LRMDA: variants seen among roughly 807,000 people sequenced by gnomAD.
LRMDA encodes the protein leucine rich melanocyte differentiation associated.
A neutral mutation model predicts 29.8 loss-of-function variants in LRMDA; 18 were observed. The ratio of observed to expected loss-of-function variants is 0.60; its 90% CI spans 0.42 to 0.90. The LOEUF (loss-of-function observed/expected upper bound fraction) is 0.90. Among genes scored for constraint, LRMDA ranks in the 40% least tolerant of loss-of-function variants. LRMDA has a pLI of 0.00. For synonymous variants in LRMDA, 125 were observed against 109.4 expected, an observed-to-expected ratio of 1.14 and a Z score of -0.89; for missense variants, 273 against 273.9, an observed-to-expected ratio of 1.00 and a Z score of 0.02.
At position 75,510,166 on chromosome 10, in the gene LRMDA, C is replaced by T. The variant is rs528977565; in HGVS notation, c.131+71672C>T. On this transcript the variant is annotated intron_variant, in intron 2 of 6. Coordinates refer to ENST00000611255, the MANE Select transcript of LRMDA (RefSeq NM_001305581.2). ...CCTCTTGCCATTCCTTCCTTTCCCTCAACTTGGGTACTTGGTGCTTGCTTT... is the reference window on the plus strand; with the variant it reads ...CCTCTTGCCATTCCTTCCTTTCCCTTAACTTGGGTACTTGGTGCTTGCTTT... Among the ~76,000 whole-genome samples the T allele has an allele frequency of 6.6e-5, 10 of 152,330 alleles. No individual in the cohort carries two copies. In the South Asian group the frequency reaches 2.1e-3, roughly 32 times the overall value.
chr10:76,354,092 T>C (rs1173742388), intron 6 of LRMDA, among the ~76,000 whole-genome samples: 6 of 152,142 alleles, frequency 3.9e-5, no homozygotes, highest in Non-Finnish European at 8.8e-5. Flanking sequence ...AAATTAAGGC[T>C]TGGGAAGCCC....
intron 3 of LRMDA, among the ~76,000 whole-genome samples, chr10:76,038,636 G>A (rs1197549617): frequency 1.3e-5 from 2 of 152,198 alleles, no homozygotes; most frequent in Non-Finnish European, 2.9e-5. Flanking sequence ...AACAGCACAT[G>A]CTATCTTCTC....
intron 2 of LRMDA, among the ~76,000 whole-genome samples, chr10:75,564,103 G>A (rs1187180706): frequency 1.3e-5 from 2 of 152,168 alleles, no homozygotes; most frequent in African/African-American, 2.4e-5. Flanking sequence ...GGTTACTGCT[G>A]TCTTTTTGTT....
chr10:75,749,598 A>T (rs1232581503), intron 2 of LRMDA, among the ~76,000 whole-genome samples: 1 of 151,942 alleles, frequency 6.6e-6, no homozygotes, highest in East Asian at 1.9e-4. Context: ...TTTTTGGTTA[A>T]AAAAAAGCAC....
At chr10:75,642,590 T>C (rs1589143883) in intron 2 of LRMDA, 1 of 151,736 alleles carries the variant, frequency 6.6e-6, no homozygotes, top group South Asian at 2.1e-4. Flanking sequence ...TTTTGGGAGG[T>C]TTTCCCAGTC....
At position 76,251,541 on chromosome 10, in the gene LRMDA, C is replaced by T. The variant is rs181693635; in HGVS notation, c.517-72860C>T. Among the ~76,000 whole-genome samples the T allele has an allele frequency of 3.5e-3, 524 of 151,534 alleles. 1 individual carries two copies. Among genetic ancestry groups the T allele is most frequent in the Non-Finnish European group, 5.6e-3 (381 of 67,852 alleles). On this transcript the variant is annotated intron_variant, in intron 5 of 6. Coordinates refer to ENST00000611255, the MANE Select transcript of LRMDA (RefSeq NM_001305581.2). ...TGCTGGGATTACAGGCGTGAGCCAC[C>T]GCGCCCGGCCCTCCCGTCGCTTCTA...
At chr10:76,105,194 T>C (rs561583706) in intron 5 of LRMDA, among the ~76,000 whole-genome samples, 1 of 152,316 alleles carries the variant, frequency 6.6e-6, no homozygotes, top group African/African-American at 2.4e-5. Context: ...ATTTGACTTA[T>C]ATATTTATTG....
At chr10:75,816,482 A>G (rs1415796216) in intron 2 of LRMDA, among the ~76,000 whole-genome samples, 3 of 152,150 alleles carry the variant, frequency 2.0e-5, no homozygotes, top group East Asian at 1.9e-4. Context: ...GACTGTGGGT[A>G]TGCTCAACTG....
intron 2 of LRMDA, among the ~76,000 whole-genome samples, chr10:75,541,938 TG>T (rs1210051390): frequency 6.6e-6 from 1 of 152,212 alleles, no homozygotes; most frequent in East Asian, 1.9e-4. Flanking sequence ...AATCAGTGTG[TG>T]GAAGAAAAAT....
At chr10:76,148,757 C>A (rs1850381419) in intron 5 of LRMDA, among the ~76,000 whole-genome samples, 2 of 152,180 alleles carry the variant, frequency 1.3e-5, no homozygotes, top group South Asian at 4.1e-4. Context: ...GTTGGAAATG[C>A]AGAAATCACC....
intron 2 of LRMDA, among the ~76,000 whole-genome samples, chr10:75,501,010 G>A (rs540912696): frequency 6.6e-6 from 1 of 152,190 alleles, no homozygotes; most frequent in Non-Finnish European, 1.5e-5. Context: ...TTTGCATGTT[G>A]TCTCTGCTTC....
chr10:75,867,184 G>A (rs1181930410), intron 2 of LRMDA, among the ~76,000 whole-genome samples: 2 of 151,284 alleles, frequency 1.3e-5, no homozygotes, highest in Non-Finnish European at 2.9e-5. Context: ...TTTTTTTTGA[G>A]ACGGAGTCTC....
chr10:75,490,164 G>A (rs1302153509), intron 2 of LRMDA, among the ~76,000 whole-genome samples: 1 of 152,132 alleles, frequency 6.6e-6, no homozygotes, highest in Non-Finnish European at 1.5e-5. Flanking sequence ...ACTTGCCCAA[G>A]GAGCTGGAAT....
rs73290752 is a variant in LRMDA, at chr10:76,373,743, C to T, written c.601+49258C>T. On this transcript the variant is annotated intron_variant, in intron 6 of 6. Transcript: ENST00000611255. ...TCCTAGCATAGCCTATCCCATCTATCCCCTCATTGTGTTTCAATGATAAGA... is the reference window on the plus strand; with the variant it reads ...TCCTAGCATAGCCTATCCCATCTATTCCCTCATTGTGTTTCAATGATAAGA... Among the ~76,000 whole-genome samples the T allele has an allele frequency of 9.4e-3, 1,437 of 152,200 alleles. 19 individuals carry two copies. The highest frequency in any genetic ancestry group is 0.032 in the African/African-American group (1,319 of 41,510).
intron 5 of LRMDA, among the ~76,000 whole-genome samples, chr10:76,258,957 T>C (rs991535336): frequency 2.0e-5 from 3 of 152,178 alleles, no homozygotes; most frequent in African/African-American, 7.2e-5. Flanking sequence ...GATATGATGA[T>C]TTCCTTTCCT....
chr10:76,284,678 C>G (rs1840249061), intron 5 of LRMDA, among the ~76,000 whole-genome samples: 1 of 152,014 alleles, frequency 6.6e-6, no homozygotes, highest in African/African-American at 2.4e-5. Flanking sequence ...TTGACTGTGT[C>G]CCACCCAAAT....
At chr10:76,228,222 A>G (rs748053032) in intron 5 of LRMDA, among the ~76,000 whole-genome samples, 2 of 151,990 alleles carry the variant, frequency 1.3e-5, no homozygotes, top group Non-Finnish European at 2.9e-5. Context: ...GGGTTTCACC[A>G]TGTTGGCCAG....
intron 5 of LRMDA, among the ~76,000 whole-genome samples, chr10:76,279,371 T>C (rs1840173749): frequency 1.3e-5 from 2 of 152,170 alleles, no homozygotes; most frequent in Admixed American, 1.3e-4. Flanking sequence ...TCTGTTATCA[T>C]CATCATCATC....
At chr10:76,478,054 G>T (rs1253359445) in intron 6 of LRMDA, among the ~76,000 whole-genome samples, 1 of 152,052 alleles carries the variant, frequency 6.6e-6, no homozygotes, top group Non-Finnish European at 1.5e-5. Flanking sequence ...TGAGAAATGG[G>T]ATCTAATTAA....
Sources: gnomAD v4.1 joint callset for allele counts (sites outside exome capture counted in the v4.1 genomes callset) on GRCh38, gnomAD v4.1.1 for gene constraint, MANE v1.5 for transcripts, NCBI Gene and HGNC (gene_info 2026-07-23, HGNC 2026-07-21) for gene names.